The following KCNA6 variants were observed in gnomAD, a reference collection of about 807,000 sequenced individuals.
KCNA6 encodes the protein potassium voltage-gated channel subfamily A member 6.
A neutral mutation model predicts 29.5 loss-of-function variants in KCNA6; 17 were observed. That is an observed-to-expected ratio of 0.58 (90% confidence interval 0.39 to 0.86). KCNA6 has a LOEUF of 0.86. Among genes scored for constraint, KCNA6 ranks in the 40% least tolerant of loss-of-function variants. The pLI, the probability that KCNA6 is intolerant of heterozygous loss-of-function variation, is 0.00. For synonymous variants in KCNA6, 296 were observed against 304.7 expected, an observed-to-expected ratio of 0.97 and a Z score of 0.30; for missense variants, 450 against 703.4, an observed-to-expected ratio of 0.64 and a Z score of 4.07.
the KCNA6 span, among the ~76,000 whole-genome samples, chr12:4,849,546 C>T: frequency 7.4e-6 from 1 of 134,266 alleles, no homozygotes. Context: ...TGCACCCTGA[C>T]GAAGCCAGCA....
the KCNA6 span, among the ~76,000 whole-genome samples, chr12:4,838,119 G>T: frequency 6.6e-6 from 1 of 152,136 alleles, no homozygotes; most frequent in East Asian, 1.9e-4. Flanking sequence ...ACCTCCTGTG[G>T]CCATGGCCAG....
At chr12:4,820,056 G>A in the KCNA6 span, among the ~76,000 whole-genome samples, 1 of 152,096 alleles carries the variant, frequency 6.6e-6, no homozygotes, top group East Asian at 1.9e-4. Context: ...GAAAGGCAGG[G>A]TCCCTGCCAA....
the KCNA6 span, among the ~76,000 whole-genome samples, chr12:4,845,741 T>C: frequency 6.6e-6 from 1 of 152,208 alleles, no homozygotes; most frequent in East Asian, 1.9e-4. Flanking sequence ...TTTTCATGTG[T>C]CGTTTCTTTT....
chr12:4,814,394 A>T (rs1257268239), downstream of KCNA6: 1 of 167,022 alleles, frequency 6.0e-6, no homozygotes, highest in Non-Finnish European at 1.5e-5. The surrounding 1 kb of genome is among the most constrained non-coding windows in gnomAD (Gnocchi z 4.6). Flanking sequence ...GCTCCACGAG[A>T]GGCGGAGAAT....
Position 4,810,026 on chromosome 12 carries a change from G to A in KCNA6, c.-16G>A. 6.7e-7 allele frequency: 1 copy of A among 1,482,806 alleles called. No individual in the cohort carries two copies. The allele number at this position is 1,482,806 out of a possible 1,614,324, so 91.9% of individuals were successfully genotyped here. ...GGGCGCCGTCCTAGTGGCGGGGAGC[G>A]CACCTCCGAGGGGGCATGAGATCGG... On this transcript the variant is annotated 5_prime_UTR_variant, in exon 1 of 1. Coordinates refer to ENST00000280684, the Ensembl canonical transcript of KCNA6. This position sits in a 1 kb window ranked among gnomAD's most constrained non-coding sequence, Gnocchi z 7.5.
At position 4,810,174 on chromosome 12, in the gene KCNA6, A is replaced by G; in HGVS notation, c.133A>G (p.Ile45Val). Residue 45 changes from isoleucine (I) to valine (V), a missense_variant, in exon 1 of 1, where the codon ATC (isoleucine) becomes GTC (valine). Around this residue, in one of 7 missense-constraint regions of KCNA6, gnomAD observed 72 missense variants for 64.2 expected, o/e 1.12. Coordinates refer to ENST00000280684, the Ensembl canonical transcript of KCNA6. This position sits in a 1 kb window ranked among gnomAD's most constrained non-coding sequence, Gnocchi z 7.5. Reference sequence around the variant, plus strand: ...CTGCTGTAGTAGCGAGCGGCTGGTGATCAATATCTCCGGGCTGCGCTTTGA... The same window carrying G: ...CTGCTGTAGTAGCGAGCGGCTGGTGGTCAATATCTCCGGGCTGCGCTTTGA... 1.2e-6 allele frequency: 2 copies of G among 1,611,660 alleles called. No individual in the cohort carries two copies. Among genetic ancestry groups the G allele is most frequent in the Non-Finnish European group, 1.7e-6 (2 of 1,179,268 alleles).
the KCNA6 span, among the ~76,000 whole-genome samples, chr12:4,841,206 C>T: frequency 2.0e-5 from 3 of 152,110 alleles, no homozygotes; most frequent in Non-Finnish European, 4.4e-5. Context: ...GAATCGTGTG[C>T]GTTAGCTGAC....
At chr12:4,842,012 C>CGTGTGTGTGTGT in the KCNA6 span, among the ~76,000 whole-genome samples, 325 of 124,978 alleles carry the variant, frequency 2.6e-3, 2 homozygotes, top group African/African-American at 8.3e-3. Context: ...ATGGAGCTTA[C>CGTGTGTGTGTGT]GTGTGTGTGT....
chr12:4,839,181 T>C, the KCNA6 span: 2 of 152,206 alleles, frequency 1.3e-5, no homozygotes, highest in Non-Finnish European at 2.9e-5. Flanking sequence ...TTGAATGTAG[T>C]TGACCTGTAA....
the KCNA6 span, among the ~76,000 whole-genome samples, chr12:4,834,949 A>G: frequency 2.0e-5 from 3 of 152,186 alleles, no homozygotes; most frequent in Non-Finnish European, 4.4e-5. Context: ...CCAGGGACTG[A>G]AAAGCAAGCT....
In KCNA6 at chr12:4,810,747, C is replaced by T. The variant is rs777853695; in HGVS notation, c.706C>T (p.His236Tyr). The T allele has an allele frequency of 6.2e-6, 10 of 1,607,996 alleles. No homozygotes were observed. The highest frequency in any genetic ancestry group is 8.5e-6 in the Non-Finnish European group (10 of 1,177,076). ...TGAAGACGATTCCTACACATTTCAT[C>T]ATGGCATCACCCCTGGGGAAATGGG... The change falls in exon 1 of 1, where the codon CAT becomes TAT. Residue 236 changes from histidine (H) to tyrosine (Y), a missense_variant. By Grantham distance (83) the His-to-Tyr change is moderately conservative. Around this residue, in one of 7 missense-constraint regions of KCNA6, gnomAD observed 74 missense variants for 71.5 expected, o/e 1.03. Coordinates refer to ENST00000280684, the Ensembl canonical transcript of KCNA6. The surrounding 1 kb of genome is among the most constrained non-coding windows in gnomAD (Gnocchi z 7.5).
At chr12:4,850,899 C>T in the KCNA6 span, 1 of 428,972 alleles carries the variant, frequency 2.3e-6, no homozygotes, top group Non-Finnish European at 4.7e-6. The surrounding 1 kb of genome is among the most constrained non-coding windows in gnomAD (Gnocchi z 5.4). Context: ...GCAACCAAGC[C>T]AGAAAAAGTT....
the KCNA6 span, among the ~76,000 whole-genome samples, chr12:4,827,462 A>G: frequency 1.3e-5 from 2 of 152,194 alleles, no homozygotes; most frequent in Non-Finnish European, 2.9e-5. Flanking sequence ...AAGGAGAAGC[A>G]GGGGAGTGCA....
At chr12:4,816,949 G>A (rs1217302642), downstream of KCNA6, among the ~76,000 whole-genome samples, 1 of 152,172 alleles carries the variant, frequency 6.6e-6, no homozygotes, top group Non-Finnish European at 1.5e-5. Context: ...CAGTCCTGTG[G>A]CTTGTCATTT....
chr12:4,830,365 T>C, the KCNA6 span, among the ~76,000 whole-genome samples: 22 of 152,102 alleles, frequency 1.4e-4, no homozygotes, highest in Admixed American at 5.2e-4. Context: ...CATCCCAAAT[T>C]CTCACATCCA....
chr12:4,829,225 G>C, the KCNA6 span, among the ~76,000 whole-genome samples: 2 of 152,096 alleles, frequency 1.3e-5, no homozygotes, highest in African/African-American at 4.8e-5. Flanking sequence ...GTTTCACCCC[G>C]GTGGAGCAGG....
the KCNA6 span, among the ~76,000 whole-genome samples, chr12:4,832,946 T>C: frequency 6.6e-6 from 1 of 152,154 alleles, no homozygotes; most frequent in Admixed American, 6.5e-5. Context: ...AACAACCTAG[T>C]TGAAAATACG....
chr12:4,847,423 G>T, the KCNA6 span, among the ~76,000 whole-genome samples: 20 of 152,074 alleles, frequency 1.3e-4, 1 homozygote, highest in East Asian at 3.1e-3. Context: ...CCCTGGGCTG[G>T]TTCTCAAATT....
At chr12:4,834,226 T>C in the KCNA6 span, among the ~76,000 whole-genome samples, 2 of 152,110 alleles carry the variant, frequency 1.3e-5, no homozygotes, top group African/African-American at 4.8e-5. Context: ...TGAGCCACCA[T>C]GCCCAGCCAG....
Sources: allele counts gnomAD v4.1 joint callset (sites outside exome capture counted in the v4.1 genomes callset), GRCh38; gene constraint gnomAD v4.1.1; regional missense constraint gnomAD v4.1.1; non-coding constraint Gnocchi (gnomAD v3.1); transcripts MANE v1.5; gene names NCBI Gene and HGNC (gene_info 2026-07-23, HGNC 2026-07-21).